The following HESX1 variants were observed in gnomAD, a reference collection of about 807,000 sequenced individuals.
HESX1 encodes homeobox expressed in ES cells 1.
A neutral mutation model predicts 22.5 loss-of-function variants in HESX1; 11 were observed. The ratio of observed to expected loss-of-function variants is 0.49; its 90% CI spans 0.31 to 0.81. HESX1 has a LOEUF of 0.81. Among genes scored for constraint, HESX1 ranks in the 30% least tolerant of loss-of-function variants. The probability of loss-of-function intolerance (pLI) is 0.05; values close to 1 mark genes in which losing one functional copy is unlikely to be tolerated. For missense variants in HESX1, 201 were observed against 212.6 expected (o/e 0.95, Z 0.34); for synonymous variants, 74 against 76.5 (o/e 0.97, Z 0.17).
At chr3:57,222,298 C>T (rs999351219) in intron 1 of HESX1, among the ~76,000 whole-genome samples, 1 of 152,082 alleles carries the variant, frequency 6.6e-6, no homozygotes, top group Non-Finnish European at 1.5e-5. Flanking sequence ...GTCTCGCTAT[C>T]ACCAGGCTGG....
At chr3:57,211,391 G>A (rs912228103) in intron 1 of HESX1, among the ~76,000 whole-genome samples, 1 of 151,578 alleles carries the variant, frequency 6.6e-6, no homozygotes, top group African/African-American at 2.4e-5. Context: ...TCAGCCGGGC[G>A]TGGTAGCATG....
At chr3:57,207,497 T>C (rs1425706639) in intron 1 of HESX1, among the ~76,000 whole-genome samples, 1 of 152,214 alleles carries the variant, frequency 6.6e-6, no homozygotes, top group Non-Finnish European at 1.5e-5. Flanking sequence ...AGAAGAGGAC[T>C]TGGAGCCCTG....
At position 57,198,093 on chromosome 3, in the gene HESX1, A is replaced by T; in HGVS notation, c.*104T>A. 1.3e-6 allele frequency: 1 copy of T among 791,664 alleles called. No homozygotes were observed. Among genetic ancestry groups the T allele is most frequent in the Non-Finnish European group, 2.2e-6 (1 of 462,762 alleles). 49.0% of individuals were successfully genotyped at this position (791,664 alleles called of 1,614,324 possible). A position where few individuals can be genotyped will look rare whatever the true frequency, so the allele number is the denominator to read the frequency against. Reference sequence around the variant, plus strand: ...ATTTTCAGAAAAAATGACAATATTCAGATTAAATGCAGGAAAGAAAACATC... The same window carrying T: ...ATTTTCAGAAAAAATGACAATATTCTGATTAAATGCAGGAAAGAAAACATC... On this transcript the variant is annotated 3_prime_UTR_variant, in exon 4 of 4. Coordinates refer to ENST00000295934, the MANE Select transcript of HESX1 (RefSeq NM_003865.3).
At chr3:57,224,767 A>C (rs1479587374) in intron 1 of HESX1, among the ~76,000 whole-genome samples, 1 of 152,254 alleles carries the variant, frequency 6.6e-6, no homozygotes, top group Non-Finnish European at 1.5e-5. Context: ...CCAGAACTTC[A>C]AGGAGTATCA....
intron 1 of HESX1, among the ~76,000 whole-genome samples, chr3:57,224,905 A>C (rs767503419): frequency 6.6e-6 from 1 of 152,222 alleles, no homozygotes; most frequent in Non-Finnish European, 1.5e-5. Context: ...TATATGTGAA[A>C]CATCTCAAAG....
At chr3:57,199,165 G>A (rs947969614) in intron 1 of HESX1, among the ~76,000 whole-genome samples, 1 of 152,190 alleles carries the variant, frequency 6.6e-6, no homozygotes, top group Non-Finnish European at 1.5e-5. Context: ...TTATTTTTCA[G>A]TGAAAAGAGA....
intron 1 of HESX1, among the ~76,000 whole-genome samples, chr3:57,208,629 C>T (rs1464954852): frequency 2.8e-5 from 4 of 145,184 alleles, no homozygotes; most frequent in African/African-American, 1.0e-4. Flanking sequence ...AGATTACAGG[C>T]GTGAGCCACG....
Position 57,198,854 on chromosome 3 carries a change from T to G in HESX1, c.256A>C (p.Lys86Gln). The G allele has an allele frequency of 6.2e-7, 1 of 1,614,220 alleles. No homozygotes were observed. The highest frequency in any genetic ancestry group is 8.5e-7 in the Non-Finnish European group (1 of 1,180,028). ...GAGGCTGAAAAGTAATTTTCATATT[T>G]CGAAGCTCTTTCTTCTGGCATTGGG... ...DHPMPEERASKYENYFSASER... is the reference protein window; with the variant it reads ...DHPMPEERASQYENYFSASER... The change falls in exon 2 of 4, where the codon AAA (lysine) becomes CAA (glutamine). Residue 86 changes from lysine to glutamine, a missense_variant. Transcript: ENST00000295934.
In HESX1 at chr3:57,221,139, C is replaced by T. The variant is rs150688571; in HGVS notation, c.-111+5157G>A. ...AACCTGTTTAAAATTGCAGCTGCCC[C>T]GGCTCTGTTTTCCCTAATTTTTTTT... On this transcript the variant is annotated intron_variant, in intron 1 of 2. Transcript: ENST00000495160. Among the ~76,000 whole-genome samples, 27 of 152,000 alleles carry T rather than the reference C, an allele frequency of 1.8e-4. No homozygotes were observed. In the East Asian group the frequency reaches 4.1e-3, roughly 23 times the overall value.
chr3:57,220,156 C>T (rs1193794091), intron 1 of HESX1, among the ~76,000 whole-genome samples: 1 of 152,154 alleles, frequency 6.6e-6, no homozygotes, highest in Non-Finnish European at 1.5e-5. Flanking sequence ...TGCAGGTGTG[C>T]AGCCTTATTT....
At chr3:57,226,885 A>G (rs1461841587), upstream of HESX1, among the ~76,000 whole-genome samples, 2 of 152,240 alleles carry the variant, frequency 1.3e-5, no homozygotes, top group South Asian at 2.1e-4. Flanking sequence ...AGGTTGGGAA[A>G]GATGAAGAGG....
intron 1 of HESX1, among the ~76,000 whole-genome samples, chr3:57,223,304 C>G (rs142256178): frequency 6.6e-6 from 1 of 152,252 alleles, no homozygotes; most frequent in African/African-American, 2.4e-5. Context: ...TTGGCCTGCT[C>G]AGACAAATTA....
Position 57,199,845 on chromosome 3 carries a change from C to G in HESX1, c.74G>C (p.Arg25Thr). The change falls in exon 1 of 4, where the codon AGA (arginine) becomes ACA (threonine). Residue 25 changes from arginine (R) to threonine (T), a missense_variant. Coordinates refer to ENST00000295934, the MANE Select transcript of HESX1 (RefSeq NM_003865.3). ...TTTCTTCTGGTCCAGTCCTAAGATT[C>G]TCTCAATTGAAAAGGAGCAAGTTGA... ...KPSTCSFSIE[R>T]ILGLDQKKDC... The G allele has an allele frequency of 1.9e-6, 3 of 1,614,106 alleles. No homozygotes were observed. Among genetic ancestry groups the G allele is most frequent in the Non-Finnish European group, 1.7e-6 (2 of 1,179,980 alleles).
chr3:57,220,017 T>C (rs997472338), intron 1 of HESX1, among the ~76,000 whole-genome samples: 1 of 152,222 alleles, frequency 6.6e-6, no homozygotes, highest in Non-Finnish European at 1.5e-5. Context: ...GATTTTTGTA[T>C]ATGGCGTAAA....
chr3:57,227,470 A>C (rs958177744), upstream of HESX1, among the ~76,000 whole-genome samples: 13 of 152,184 alleles, frequency 8.5e-5, no homozygotes, highest in South Asian at 2.1e-4. Flanking sequence ...TGTGGCCCTA[A>C]CTCGAGGCTC....
At chr3:57,217,224 G>C (rs1010778387) in intron 1 of HESX1, among the ~76,000 whole-genome samples, 1 of 152,122 alleles carries the variant, frequency 6.6e-6, no homozygotes, top group Non-Finnish European at 1.5e-5. Context: ...CTGCTTCCAG[G>C]CCCTCTCAGT....
In HESX1 at chr3:57,210,680, T is replaced by C. The variant is rs112369789; in HGVS notation, c.-110-10652A>G. Among the ~76,000 whole-genome samples, 190 of 152,372 alleles carry C rather than the reference T, an allele frequency of 1.2e-3. 1 individual carries two copies. Among genetic ancestry groups the C allele is most frequent in the African/African-American group, 4.4e-3 (182 of 41,596 alleles). On this transcript the variant is annotated intron_variant, in intron 1 of 2. Transcript: ENST00000495160. ...TGAATAAGTGAATTAAATGGATGGA[T>C]GGACAGATGGGACTAGCAAGATGTG...
intron 1 of HESX1, among the ~76,000 whole-genome samples, chr3:57,210,692 A>T (rs2060548270): frequency 1.3e-5 from 2 of 152,246 alleles, no homozygotes; most frequent in African/African-American, 4.8e-5. Flanking sequence ...GACAGATGGG[A>T]CTAGCAAGAT....
At chr3:57,226,187 T>TC (rs2060643446) in intron 1 of HESX1, 1 of 152,150 alleles carries the variant, frequency 6.6e-6, no homozygotes, top group Non-Finnish European at 1.5e-5. Context: ...CTTTTTTTTT[T>TC]TCTTTCTTAT....
Sources: gnomAD v4.1 joint callset for allele counts (sites outside exome capture counted in the v4.1 genomes callset) on GRCh38, gnomAD v4.1.1 for gene constraint, MANE v1.5 for transcripts, NCBI Gene and HGNC (gene_info 2026-07-23, HGNC 2026-07-21) for gene names.